POM121: variants seen among roughly 807,000 people sequenced by gnomAD.
POM121 encodes POM121 transmembrane nucleoporin.
Under a neutral mutation model 81.3 loss-of-function variants are expected in POM121, and 32 were observed. The observed-to-expected ratio is 0.39, with a 90% CI of 0.30 to 0.53. The LOEUF is 0.53. POM121 is among the 20% of genes least tolerant of loss of function. POM121 has a pLI of 0.66. For missense variants in POM121, 1,138 were observed against 1,614.6 expected (o/e 0.70, Z 5.06); for synonymous variants, 514 against 694.2 (o/e 0.74, Z 4.08).
intron 3 of POM121, among the ~76,000 whole-genome samples, chr7:72,913,596 G>T (rs1794012541): frequency 6.6e-6 from 1 of 152,130 alleles, no homozygotes; most frequent in Admixed American, 6.6e-5. Flanking sequence ...AGGGAGTCTG[G>T]CATAGAAGAC....
At chr7:72,949,130 A>G, downstream of POM121, 7 of 1,460,768 alleles carry the variant, frequency 4.8e-6, no homozygotes, top group East Asian at 2.3e-5. Flanking sequence ...TCGGTTACAC[A>G]GCTTCACAGG....
At chr7:72,927,073 G>A (rs539429883) in intron 3 of POM121, 110 bp downstream of exon 3, 79 of 1,544,010 alleles carry the variant, frequency 5.1e-5, no homozygotes, top group Non-Finnish European at 5.9e-5. Context: ...ATGAGCCTTC[G>A]TAGGCCCCCT....
chr7:72,891,894 C>T (rs1390111664), intron 3 of POM121, among the ~76,000 whole-genome samples: 1 of 152,106 alleles, frequency 6.6e-6, no homozygotes, highest in Admixed American at 6.6e-5. Context: ...TGTCCTCCAC[C>T]TGTGCTTGTG....
upstream of POM121, chr7:72,924,692 T>C (rs1795169096): frequency 6.0e-6 from 1 of 167,724 alleles, no homozygotes; most frequent in African/African-American, 2.4e-5. Context: ...ATGTGAAATT[T>C]GGTAGGTAAT....
intron 6 of POM121, among the ~76,000 whole-genome samples, chr7:72,939,004 C>T (rs1344854086): frequency 3.9e-5 from 6 of 152,172 alleles, no homozygotes; most frequent in Non-Finnish European, 5.9e-5. Flanking sequence ...TCGAGCTGAC[C>T]CCCTAGGTGC....
intron 3 of POM121, among the ~76,000 whole-genome samples, chr7:72,897,045 A>G (rs539589224): frequency 6.6e-6 from 1 of 152,248 alleles, no homozygotes; most frequent in East Asian, 1.9e-4. Context: ...TCTACTAAAA[A>G]TACAAAAATT....
intron 5 of POM121, among the ~76,000 whole-genome samples, chr7:72,933,598 GGCTCCTCAC>G (rs1796232088): frequency 6.6e-6 from 1 of 152,210 alleles, no homozygotes; most frequent in South Asian, 2.1e-4. Flanking sequence ...AGAAGAAACA[GGCTCCTCAC>G]GCGTTGCTGG....
At chr7:72,945,295 G>A (rs1797566218) in intron 11 of POM121, among the ~76,000 whole-genome samples, 1 of 152,196 alleles carries the variant, frequency 6.6e-6, no homozygotes, top group South Asian at 2.1e-4. Flanking sequence ...GGGCCCCAGA[G>A]TACTCCCCTC....
chr7:72,943,920 A>G (rs1797398059), intron 11 of POM121, among the ~76,000 whole-genome samples: 1 of 152,172 alleles, frequency 6.6e-6, no homozygotes, highest in South Asian at 2.1e-4. Flanking sequence ...CCCACCTGTA[A>G]TCCCAGCTAC....
At chr7:72,898,497 G>A (rs1302849017) in intron 3 of POM121, among the ~76,000 whole-genome samples, 1 of 152,014 alleles carries the variant, frequency 6.6e-6, no homozygotes, top group Admixed American at 6.6e-5. Flanking sequence ...TTGAGATGAA[G>A]ATAAAAATGC....
Position 72,925,622 on chromosome 7 carries a change from T to TGCCCGCCC in POM121, c.503_510dup (p.Ala171ProfsTer58), listed in dbSNP as rs1795335788. On this transcript the variant is annotated frameshift_variant, in exon 1 of 13. Coordinates refer to ENST00000434423, the MANE Select transcript of POM121 (RefSeq NM_001387691.1). LOFTEE classifies it high-confidence loss of function. ...GGGATAGGCCTGGCCGCCGCCCACCTGCCCGCCCGGCGCCGCGCTCCCCAC... is the reference window on the plus strand; with the variant it reads ...GGGATAGGCCTGGCCGCCGCCCACCTGCCCGCCCGCCCGCCCGGCGCCGCGCTCCCCAC... 1 of 1,292,972 alleles carries TGCCCGCCC rather than the reference T, an allele frequency of 7.7e-7. No individual in the cohort carries two copies. Among genetic ancestry groups the TGCCCGCCC allele is most frequent in the African/African-American group, 1.7e-5 (1 of 60,140 alleles). 80.1% of individuals were successfully genotyped at this position (1,292,972 alleles called of 1,614,324 possible).
chr7:72,887,948 AG>A (rs1230634081), intron 1 of POM121, among the ~76,000 whole-genome samples: 7 of 152,240 alleles, frequency 4.6e-5, no homozygotes, highest in African/African-American at 1.7e-4. Flanking sequence ...TTCAGGTTGG[AG>A]GGTATATCCA....
intron 3 of POM121, among the ~76,000 whole-genome samples, chr7:72,891,401 G>A (rs1554490885): frequency 6.6e-6 from 1 of 152,120 alleles, no homozygotes; most frequent in Non-Finnish European, 1.5e-5. Context: ...TGGGCTGTTT[G>A]TTTGTTTTTT....
At chr7:72,895,331 C>G (rs1791834880) in intron 3 of POM121, among the ~76,000 whole-genome samples, 1 of 152,218 alleles carries the variant, frequency 6.6e-6, no homozygotes, top group African/African-American at 2.4e-5. Context: ...CTTCCTCTCC[C>G]AGCCTTTCAC....
upstream of POM121, among the ~76,000 whole-genome samples, chr7:72,923,589 ATTTTTTTTTTTTTTTT>A (rs1187827150): frequency 1.1e-5 from 1 of 88,754 alleles, no homozygotes; most frequent in Admixed American, 1.1e-4. Context: ...CGCCCGGCTA[ATTTTTTTTTTTTTTTT>A]TTTTTTTTTT....
chr7:72,941,878 A>G lies in POM121; in HGVS notation c.1885A>G (p.Lys629Glu). The G allele has an allele frequency of 6.5e-7, 1 of 1,545,738 alleles. No individual in the cohort carries two copies. The highest frequency in any genetic ancestry group is 8.7e-7 in the Non-Finnish European group (1 of 1,143,620). Residue 629 changes from lysine (K) to glutamate (E), a missense_variant, in exon 11 of 13, where the codon AAG becomes GAG. This residue lies in a region of POM121 where 25 missense variants were observed against 214.1 expected (regional missense o/e 0.12). Coordinates refer to ENST00000434423, the MANE Select transcript of POM121 (RefSeq NM_001387691.1). ...AACCACTGAGGCCCTCTCACCTCCA[A>G]AGACACCCAGCCTCCTACCCCCGCT... ...AATTEALSPP[K>E]TPSLLPPLGL... is the part of the protein sequence containing the mutation.
intron 5 of POM121, among the ~76,000 whole-genome samples, chr7:72,930,433 G>T (rs1376867129): frequency 1.3e-5 from 2 of 152,224 alleles, no homozygotes; most frequent in African/African-American, 4.8e-5. Context: ...TAGGCCAGCG[G>T]AATGGAGTAG....
At chr7:72,935,528 T>C (rs2429265) in intron 5 of POM121, among the ~76,000 whole-genome samples, 27 of 152,266 alleles carry the variant, frequency 1.8e-4, no homozygotes, top group African/African-American at 2.9e-4. Flanking sequence ...TTTTACTTCT[T>C]TTTTATTAGA....
At chr7:72,897,185 T>C (rs1792051455) in intron 3 of POM121, among the ~76,000 whole-genome samples, 1 of 152,064 alleles carries the variant, frequency 6.6e-6, no homozygotes, top group Non-Finnish European at 1.5e-5. Flanking sequence ...ATAAAATATA[T>C]GTGTCAAATG....
Sources: allele counts gnomAD v4.1 joint callset (sites outside exome capture counted in the v4.1 genomes callset), GRCh38; gene constraint gnomAD v4.1.1; regional missense constraint gnomAD v4.1.1; transcripts MANE v1.5; gene names NCBI Gene and HGNC (gene_info 2026-07-23, HGNC 2026-07-21).